TMEFF2: variants seen among roughly 807,000 people sequenced by gnomAD.
The protein encoded by TMEFF2 is transmembrane protein with EGF like and two follistatin like domains 2.
Under a neutral mutation model 53.8 loss-of-function variants are expected in TMEFF2, and 28 were observed. The ratio of observed to expected loss-of-function variants is 0.52; its 90% confidence interval spans 0.39 to 0.71. TMEFF2 has a LOEUF of 0.71. TMEFF2 is among the 30% of genes least tolerant of loss of function. The pLI is 0.00. For synonymous variants in TMEFF2, 162 were observed against 166.3 expected (o/e 0.97, Z 0.20); for missense variants, 353 against 455.2 (o/e 0.78, Z 2.04).
chr2:192,015,730 A>C (rs921716898), intron 5 of TMEFF2, among the ~76,000 whole-genome samples: 1 of 152,182 alleles, frequency 6.6e-6, no homozygotes, highest in East Asian at 1.9e-4. Flanking sequence ...ATGAGAAAAT[A>C]CATGTGATTT....
chr2:191,953,109 T>TCAGA (rs1414193933), intron 9 of TMEFF2, among the ~76,000 whole-genome samples: 1 of 152,244 alleles, frequency 6.6e-6, no homozygotes, highest in African/African-American at 2.4e-5. Flanking sequence ...AAGCCCAACG[T>TCAGA]CAGACATTGC....
chr2:192,033,363 CTTTATATGAATG>C (rs1687193173), intron 5 of TMEFF2, among the ~76,000 whole-genome samples: 1 of 152,096 alleles, frequency 6.6e-6, no homozygotes, highest in South Asian at 2.1e-4. Context: ...TTCAAATTCT[CTTTATATGAATG>C]AGAACCTGGT....
At chr2:192,081,170 T>G (rs927467418) in intron 4 of TMEFF2, among the ~76,000 whole-genome samples, 3 of 152,220 alleles carry the variant, frequency 2.0e-5, no homozygotes, top group Non-Finnish European at 4.4e-5. Flanking sequence ...GCTTTGTTTT[T>G]CTAGTAGCAG....
At chr2:192,140,670 G>A (rs1447843360) in intron 4 of TMEFF2, among the ~76,000 whole-genome samples, 1 of 152,102 alleles carries the variant, frequency 6.6e-6, no homozygotes, top group African/African-American at 2.4e-5. Flanking sequence ...AACATTTCAA[G>A]GATTGGCATG....
At chr2:192,172,739 T>C (rs140645091) in intron 4 of TMEFF2, among the ~76,000 whole-genome samples, 1 of 151,950 alleles carries the variant, frequency 6.6e-6, no homozygotes, top group African/African-American at 2.4e-5. Flanking sequence ...GAATCAAAAG[T>C]TAAAGTGGGA....
intron 4 of TMEFF2, among the ~76,000 whole-genome samples, chr2:192,147,331 TTC>T (rs1690276694): frequency 6.7e-6 from 1 of 148,498 alleles, no homozygotes; most frequent in South Asian, 2.3e-4. Flanking sequence ...ATGTTTTATT[TTC>T]TCTTTTTTTT....
intron 4 of TMEFF2, among the ~76,000 whole-genome samples, chr2:192,072,690 T>C (rs1373680357): frequency 3.9e-5 from 6 of 151,986 alleles, no homozygotes; most frequent in Admixed American, 6.6e-5. Flanking sequence ...ACTGATTTTG[T>C]CTCTATACTC....
At chr2:191,952,902 TTTTATAGAAGAG>T (rs1238050882) in intron 9 of TMEFF2, among the ~76,000 whole-genome samples, 1 of 152,188 alleles carries the variant, frequency 6.6e-6, no homozygotes, top group East Asian at 1.9e-4. Flanking sequence ...CCTTGGAACT[TTTTATAGAAGAG>T]TGAAATCAAG....
intron 4 of TMEFF2, among the ~76,000 whole-genome samples, chr2:192,172,787 C>T (rs1690947812): frequency 6.6e-6 from 1 of 151,860 alleles, no homozygotes; most frequent in Non-Finnish European, 1.5e-5. Context: ...TGTCATCGGA[C>T]TGCTGGTAGA....
chr2:192,193,340 T>C (rs1691507982), intron 1 of TMEFF2, among the ~76,000 whole-genome samples: 2 of 152,218 alleles, frequency 1.3e-5, no homozygotes, highest in Non-Finnish European at 2.9e-5. Flanking sequence ...CTGCCCAGTA[T>C]ACTACAGGCT....
intron 4 of TMEFF2, among the ~76,000 whole-genome samples, chr2:192,118,264 T>C (rs143090512): frequency 1.2e-4 from 19 of 152,248 alleles, no homozygotes; most frequent in African/African-American, 4.3e-4. Context: ...AACAGATGTG[T>C]TTGATCCTCT....
chr2:192,056,156 A>G (rs116352465), intron 5 of TMEFF2, among the ~76,000 whole-genome samples: 2,013 of 152,240 alleles, frequency 0.013, 53 homozygotes, highest in African/African-American at 0.045. Flanking sequence ...TCTACTCACA[A>G]AAGTTTGATC....
intron 5 of TMEFF2, among the ~76,000 whole-genome samples, chr2:192,007,574 C>T (rs1044961465): frequency 6.6e-6 from 1 of 152,094 alleles, no homozygotes; most frequent in Non-Finnish European, 1.5e-5. Context: ...TGAACTCTTC[C>T]CATCCAATGT....
At chr2:192,133,543 A>T (rs1377717212) in intron 4 of TMEFF2, among the ~76,000 whole-genome samples, 1 of 152,238 alleles carries the variant, frequency 6.6e-6, no homozygotes. Flanking sequence ...CTTACAAGTT[A>T]GTTCAGGATC....
chr2:192,081,033 AG>A (rs1407887290), intron 4 of TMEFF2, among the ~76,000 whole-genome samples: 2 of 152,236 alleles, frequency 1.3e-5, no homozygotes, highest in Admixed American at 1.3e-4. Flanking sequence ...AAATGTTACA[AG>A]AACAGTAATT....
At chr2:192,173,713 G>A (rs1254041397) in intron 4 of TMEFF2, among the ~76,000 whole-genome samples, 2 of 151,674 alleles carry the variant, frequency 1.3e-5, no homozygotes, top group Non-Finnish European at 2.9e-5. Context: ...TCTATTATGT[G>A]TATTAACACA....
intron 8 of TMEFF2, among the ~76,000 whole-genome samples, chr2:191,955,524 A>ATTTTT (rs71405028): frequency 3.3e-5 from 2 of 60,304 alleles, no homozygotes; most frequent in Non-Finnish European, 5.8e-5. Flanking sequence ...CTAATTCTTA[A>ATTTTT]TTTTTTTTTT....
chr2:192,031,904 A>C (rs2105873454), intron 5 of TMEFF2: 1 of 152,348 alleles, frequency 6.6e-6, no homozygotes, highest in African/African-American at 2.4e-5. Context: ...CTGACTTTGA[A>C]ATCAGAAGAT....
At chr2:192,011,917 C>T (rs1318889195) in intron 5 of TMEFF2, among the ~76,000 whole-genome samples, 5 of 151,894 alleles carry the variant, frequency 3.3e-5, no homozygotes, top group African/African-American at 9.7e-5. Context: ...GACAGCGTCT[C>T]GCTCTGTCAT....
Sources: allele counts gnomAD v4.1 joint callset (sites outside exome capture counted in the v4.1 genomes callset), GRCh38; gene constraint gnomAD v4.1.1; transcripts MANE v1.5; gene names NCBI Gene and HGNC (gene_info 2026-07-23, HGNC 2026-07-21).